SEC61A2: variants seen among roughly 807,000 people sequenced by gnomAD.
SEC61A2 encodes the protein protein transport protein Sec61 subunit alpha isoform 2.
A neutral mutation model predicts 59.9 loss-of-function variants in SEC61A2; 28 were observed. The observed-to-expected ratio is 0.47, with a 90% CI of 0.35 to 0.64. The LOEUF is 0.64. SEC61A2 is among the 30% of genes least tolerant of loss of function. The probability of loss-of-function intolerance (pLI) is 0.01; values close to 1 mark genes in which losing one functional copy is unlikely to be tolerated. For missense variants in SEC61A2, 340 were observed against 585.9 expected, an observed-to-expected ratio of 0.58 and a Z score of 4.33; for synonymous variants, 202 against 214.4, an observed-to-expected ratio of 0.94 and a Z score of 0.50.
intron 6 of SEC61A2, 111 bp downstream of exon 6, chr10:12,150,072 T>C (rs1484313393): frequency 2.7e-6 from 2 of 738,952 alleles, no homozygotes; most frequent in East Asian, 2.7e-5. Context: ...TTTTGAATTA[T>C]TTAATTCTAG....
chr10:12,132,395 C>T (rs1212544402), intron 1 of SEC61A2, among the ~76,000 whole-genome samples: 1 of 151,994 alleles, frequency 6.6e-6, no homozygotes, highest in Non-Finnish European at 1.5e-5. Flanking sequence ...GGGAGGATCG[C>T]TTGACGTTAG....
At chr10:12,136,013 G>A in intron 2 of SEC61A2, 92 bp from the exon 3 acceptor site, 1 of 790,804 alleles carries the variant, frequency 1.3e-6, no homozygotes, top group African/African-American at 1.7e-5. Flanking sequence ...CTGTGAATTA[G>A]GCCCCAAAGA....
At chr10:12,157,185 A>C in intron 8 of SEC61A2, 118 bp downstream of exon 8, 1 of 1,010,564 alleles carries the variant, frequency 9.9e-7, no homozygotes, top group Non-Finnish European at 1.5e-6. Context: ...AAGGGAAATA[A>C]AATTTTGCAA....
chr10:12,138,622 A>G (rs1490916425), intron 3 of SEC61A2, among the ~76,000 whole-genome samples: 3 of 152,246 alleles, frequency 2.0e-5, no homozygotes, highest in Non-Finnish European at 4.4e-5. Context: ...AAATGGAATC[A>G]TACAGTAGTA....
chr10:12,129,709 A>T lies in SEC61A2; in HGVS notation c.-79A>T. On this transcript the variant is annotated 5_prime_UTR_variant, in exon 1 of 12. Transcript: ENST00000298428. The surrounding 1 kb of genome is among the most constrained non-coding windows in gnomAD (Gnocchi z 5.6). Reference sequence around the variant, plus strand: ...CGGTAGGATCGCGTCGGGAGCCGGTACCGAGGCCCGAGCCGCGGGAGTCGA... The same window carrying T: ...CGGTAGGATCGCGTCGGGAGCCGGTTCCGAGGCCCGAGCCGCGGGAGTCGA... 1 of 1,378,788 alleles carries T rather than the reference A, an allele frequency of 7.3e-7. No individual in the cohort carries two copies. Among genetic ancestry groups the T allele is most frequent in the Non-Finnish European group, 9.7e-7 (1 of 1,030,106 alleles). The allele number at this position is 1,378,788 out of a possible 1,614,324, so 85.4% of individuals were successfully genotyped here.
rs1049739252 is a variant in SEC61A2 at position 12,164,580 on chromosome 10, C to T, written c.*126C>T. ...TTCTTGTTTCGAGTGCTGACTGACC[C>T]GTTTCTGAAATGGGCACCGAGCTAA... is the stretch of plus-strand genomic sequence containing the variant. On this transcript the variant is annotated 3_prime_UTR_variant, in exon 12 of 12. Coordinates refer to ENST00000298428, the MANE Select transcript of SEC61A2 (RefSeq NM_018144.4). This position sits in a 1 kb window ranked among gnomAD's most constrained non-coding sequence, Gnocchi z 7.3. The T allele has an allele frequency of 2.7e-5, 40 of 1,467,922 alleles. No individual in the cohort carries two copies. Among genetic ancestry groups the T allele is most frequent in the Non-Finnish European group, 3.3e-5 (37 of 1,115,632 alleles). 90.9% of individuals were successfully genotyped at this position (1,467,922 alleles called of 1,614,324 possible). A position where few individuals can be genotyped will look rare whatever the true frequency, so the allele number is the denominator to read the frequency against.
intron 1 of SEC61A2, among the ~76,000 whole-genome samples, chr10:12,131,607 A>C (rs1047115634): frequency 5.3e-5 from 8 of 150,156 alleles, no homozygotes; most frequent in African/African-American, 2.0e-4. Context: ...TACACAAGCA[A>C]GTACTTTTCT....
At chr10:12,157,222 G>A in intron 8 of SEC61A2, 155 bp downstream of exon 8, 2 of 700,454 alleles carry the variant, frequency 2.9e-6, no homozygotes. Context: ...CTGATTTTAA[G>A]GTGTGAAATA....
intron 3 of SEC61A2, among the ~76,000 whole-genome samples, chr10:12,140,094 G>T (rs1419999194): frequency 1.3e-5 from 2 of 152,126 alleles, no homozygotes; most frequent in Non-Finnish European, 2.9e-5. Flanking sequence ...CAGAAGTAAA[G>T]AAATTACTTG....
At chr10:12,159,072 G>C (rs1237559216) in intron 9 of SEC61A2, among the ~76,000 whole-genome samples, 1 of 151,514 alleles carries the variant, frequency 6.6e-6, no homozygotes, top group Non-Finnish European at 1.5e-5. Flanking sequence ...CCGCCTCCCG[G>C]GTTCATGCCA....
chr10:12,165,400 A>G lies in SEC61A2; in HGVS notation c.*946A>G, dbSNP rs989383138. On this transcript the variant is annotated 3_prime_UTR_variant, in exon 12 of 12. Coordinates refer to ENST00000298428, the MANE Select transcript of SEC61A2 (RefSeq NM_018144.4). Reference sequence around the variant, plus strand: ...GTGTTGGAAAAAATAAAGAAATCTGATATTAAACGTTTTCTAAGATCATTT... The same window carrying G: ...GTGTTGGAAAAAATAAAGAAATCTGGTATTAAACGTTTTCTAAGATCATTT... The G allele has an allele frequency of 1.1e-6, 1 of 951,080 alleles. No homozygotes were observed. Among genetic ancestry groups the G allele is most frequent in the Non-Finnish European group, 1.3e-6 (1 of 798,740 alleles). 58.9% of individuals were successfully genotyped at this position (951,080 alleles called of 1,614,324 possible).
rs991397061 is a variant in SEC61A2 at position 12,149,392 on chromosome 10, A to G, written c.221-203A>G. 6.6e-6 allele frequency among the ~76,000 whole-genome samples: 1 copy of G among 152,180 alleles called. No individual in the cohort carries two copies. Among genetic ancestry groups the G allele is most frequent in the Non-Finnish European group, 1.5e-5 (1 of 68,030 alleles). ...GCGTGAGCCACTGTGCCAAGCCTATAGTACTTTTTATTCAGGGCATTGCTG... is the reference window on the plus strand; with the variant it reads ...GCGTGAGCCACTGTGCCAAGCCTATGGTACTTTTTATTCAGGGCATTGCTG... On this transcript the variant is annotated intron_variant, in intron 4 of 11. Transcript: ENST00000298428. This position sits in a 1 kb window ranked among gnomAD's most constrained non-coding sequence, Gnocchi z 5.2.
Position 12,155,245 on chromosome 10 carries a change from T to A in SEC61A2, c.463-533T>A. ...ATTTGAGTACATATTTGTGTTCTAG[T>A]TTTTTATTCTGTACACATTTTATAG... On this transcript the variant is annotated intron_variant, in intron 6 of 11. Transcript: ENST00000298428. The surrounding 1 kb of genome is among the most constrained non-coding windows in gnomAD (Gnocchi z 4.3). 8.6e-7 allele frequency: 1 copy of A among 1,163,624 alleles called. No homozygotes were observed. The highest frequency in any genetic ancestry group is 1.1e-6 in the Non-Finnish European group (1 of 885,618). The allele number at this position is 1,163,624 out of a possible 1,614,324, so 72.1% of individuals were successfully genotyped here.
rs1834359355 is a variant in SEC61A2, at chr10:12,154,786, G to T, written c.463-992G>T. Among the ~76,000 whole-genome samples, 1 of 152,124 alleles carries T rather than the reference G, an allele frequency of 6.6e-6. No homozygotes were observed. The highest frequency in any genetic ancestry group is 1.5e-5 in the Non-Finnish European group (1 of 68,026). ...TAAAATGGTCTCATGTGGTTACTTTGGTCGCTCTTCCAGCAGGTGATATTG... is the reference window on the plus strand; with the variant it reads ...TAAAATGGTCTCATGTGGTTACTTTTGTCGCTCTTCCAGCAGGTGATATTG... On this transcript the variant is annotated intron_variant, in intron 6 of 11. Transcript: ENST00000298428. This position sits in a 1 kb window ranked among gnomAD's most constrained non-coding sequence, Gnocchi z 5.2.
downstream of SEC61A2, chr10:12,169,453 T>A: frequency 1.5e-6 from 1 of 660,252 alleles, no homozygotes; most frequent in Non-Finnish European, 2.5e-6. The surrounding 1 kb of genome is among the most constrained non-coding windows in gnomAD (Gnocchi z 4.8). Context: ...CAGAACCTGT[T>A]TGATGTGATA....
At chr10:12,167,713 A>C, downstream of SEC61A2, 1 of 1,614,136 alleles carries the variant, frequency 6.2e-7, no homozygotes, top group Non-Finnish European at 8.5e-7. Context: ...TAAAATTTCA[A>C]GAAGGGCACT....
chr10:12,155,333 ATCCTT>A lies in SEC61A2; in HGVS notation c.463-443_463-439del. 1 of 1,584,280 alleles carries A rather than the reference ATCCTT, an allele frequency of 6.3e-7. No homozygotes were observed. The highest frequency in any genetic ancestry group is 8.6e-7 in the Non-Finnish European group (1 of 1,167,294). On this transcript the variant is annotated intron_variant, in intron 6 of 11. Transcript: ENST00000298428. The surrounding 1 kb of genome is among the most constrained non-coding windows in gnomAD (Gnocchi z 4.3). ...AAGGATCAACACAGCCCTTAGACTT[ATCCTT>A]TGATGGCAGTGTACATTTCCATCTT...
At chr10:12,140,555 A>G (rs1425229024) in intron 3 of SEC61A2, among the ~76,000 whole-genome samples, 1 of 152,232 alleles carries the variant, frequency 6.6e-6, no homozygotes, top group Non-Finnish European at 1.5e-5. Context: ...GCGCCTAACC[A>G]TGGCGGATTA....
In SEC61A2 at chr10:12,154,638, C is replaced by T. The variant is rs775246119; in HGVS notation, c.463-1140C>T. Among the ~76,000 whole-genome samples the T allele has an allele frequency of 1.3e-5, 2 of 152,196 alleles. No homozygotes were observed. Among genetic ancestry groups the T allele is most frequent in the African/African-American group, 4.8e-5 (2 of 41,448 alleles). ...GATCTCTCTTAGAAGTTTGGAGAATCGTACCCTTTCTCCTGCCCATTGAAA... is the reference window on the plus strand; with the variant it reads ...GATCTCTCTTAGAAGTTTGGAGAATTGTACCCTTTCTCCTGCCCATTGAAA... On this transcript the variant is annotated intron_variant, in intron 6 of 11. Transcript: ENST00000298428. The surrounding 1 kb of genome is among the most constrained non-coding windows in gnomAD (Gnocchi z 5.2).
Sources: allele counts gnomAD v4.1 joint callset (sites outside exome capture counted in the v4.1 genomes callset), GRCh38; gene constraint gnomAD v4.1.1; non-coding constraint Gnocchi (gnomAD v3.1); transcripts MANE v1.5; gene names NCBI Gene and HGNC (gene_info 2026-07-23, HGNC 2026-07-21).